Variants in NUMB observed in about 807,000 individuals in gnomAD.
The protein encoded by NUMB is protein numb homolog.
In NUMB, 29 loss-of-function variants were observed where a neutral mutation model predicts 59.7. The observed-to-expected ratio is 0.49, with a 90% confidence interval of 0.36 to 0.66. The LOEUF (loss-of-function observed/expected upper bound fraction) is 0.66. Among genes scored for constraint, NUMB ranks in the 30% least tolerant of loss-of-function variants. The pLI, the probability that NUMB is intolerant of heterozygous loss-of-function variation, is 0.00. For synonymous variants in NUMB, 288 were observed against 288.2 expected (o/e 1.00, Z 0.01); for missense variants, 723 against 822.0 (o/e 0.88, Z 1.47).
At chr14:73,395,854 A>T (rs1195632227) in intron 2 of NUMB, among the ~76,000 whole-genome samples, 1 of 152,160 alleles carries the variant, frequency 6.6e-6, no homozygotes, top group Non-Finnish European at 1.5e-5. Flanking sequence ...AAAATACATT[A>T]TTGTTGAAGA....
chr14:73,440,784 C>T (rs180879278), intron 1 of NUMB, among the ~76,000 whole-genome samples: 116 of 143,450 alleles, frequency 8.1e-4, no homozygotes, highest in African/African-American at 2.7e-3. Flanking sequence ...GCTGAGATCG[C>T]GCCACTGCAC....
chr14:73,283,082 G>A (rs967715721), intron 10 of NUMB, among the ~76,000 whole-genome samples: 1 of 152,148 alleles, frequency 6.6e-6, no homozygotes, highest in African/African-American at 2.4e-5. Context: ...GGTGTAGGAC[G>A]CTAGGGCCTT....
At chr14:73,371,201 T>C (rs1371769625) in intron 2 of NUMB, among the ~76,000 whole-genome samples, 1 of 152,138 alleles carries the variant, frequency 6.6e-6, no homozygotes, top group Non-Finnish European at 1.5e-5. Context: ...TTTGCTTAGA[T>C]AACCATAATA....
At chr14:73,328,685 ATCTT>A (rs1891792723) in intron 4 of NUMB, among the ~76,000 whole-genome samples, 1 of 152,102 alleles carries the variant, frequency 6.6e-6, no homozygotes, top group Admixed American at 6.6e-5. Flanking sequence ...ACTTATCCAC[ATCTT>A]TTTTTTCTTT....
intron 4 of NUMB, among the ~76,000 whole-genome samples, chr14:73,353,774 G>GT (rs1824935471): frequency 6.6e-6 from 1 of 151,710 alleles, no homozygotes; most frequent in Non-Finnish European, 1.5e-5. Flanking sequence ...CTAAGAGGTT[G>GT]TAATTTATAC....
Position 73,282,518 on chromosome 14 carries a change from C to T in NUMB, c.950-13G>A. 6.2e-7 allele frequency: 1 copy of T among 1,610,434 alleles called. No homozygotes were observed. The highest frequency in any genetic ancestry group is 8.5e-7 in the Non-Finnish European group (1 of 1,178,166). On this transcript the variant is annotated splice_polypyrimidine_tract_variant and intron_variant, in intron 10 of 12. Coordinates refer to ENST00000555238, the MANE Select transcript of NUMB (RefSeq NM_001005743.2). ...TCTACTTCTGGCACTGCAAGGCAAA[C>T]AGAAAATGGCTCCAGACAGAAAAAT...
chr14:73,370,943 T>C lies in NUMB; in HGVS notation c.-100-3962A>G, dbSNP rs202160670. Among the ~76,000 whole-genome samples the C allele has an allele frequency of 9.2e-5, 14 of 152,344 alleles. No homozygotes were observed. The East Asian group carries it at 1.9e-3, about 21-fold the overall frequency. On this transcript the variant is annotated intron_variant, in intron 2 of 12. Transcript: ENST00000555238. The stretch of plus-strand genomic sequence containing the variant: ...GATCATCAATTATTTACATTTCATC[T>C]GATTTGCTTTATCATTCTCTTTCTC...
chr14:73,278,820 C>T (rs1330302148), intron 12 of NUMB, among the ~76,000 whole-genome samples: 2 of 149,952 alleles, frequency 1.3e-5, no homozygotes, highest in African/African-American at 4.9e-5. Context: ...CTCTGTCTCC[C>T]AGGTTCAAGC....
intron 2 of NUMB, among the ~76,000 whole-genome samples, chr14:73,399,911 C>T (rs182048653): frequency 1.3e-5 from 2 of 151,694 alleles, no homozygotes; most frequent in African/African-American, 4.8e-5. Context: ...GATGTCGTGG[C>T]ATCTGTAATC....
At chr14:73,390,957 GTA>G (rs1895823319) in intron 2 of NUMB, among the ~76,000 whole-genome samples, 1 of 151,482 alleles carries the variant, frequency 6.6e-6, no homozygotes, top group African/African-American at 2.4e-5. Flanking sequence ...CTGGTCTTAA[GTA>G]TTTTTATACT....
intron 3 of NUMB, among the ~76,000 whole-genome samples, chr14:73,365,534 G>T (rs1222024663): frequency 1.3e-5 from 2 of 152,082 alleles, no homozygotes; most frequent in Admixed American, 1.3e-4. Flanking sequence ...ACTTTGGGAG[G>T]CTGAGGTGGA....
At chr14:73,307,075 C>G (rs1481494111) in intron 6 of NUMB, among the ~76,000 whole-genome samples, 1 of 152,078 alleles carries the variant, frequency 6.6e-6, no homozygotes, top group African/African-American at 2.4e-5. Flanking sequence ...TTTGGGAGGC[C>G]AAGGCGGGTG....
chr14:73,436,292 A>G (rs1279394601), intron 1 of NUMB, among the ~76,000 whole-genome samples: 5 of 152,132 alleles, frequency 3.3e-5, no homozygotes, highest in Non-Finnish European at 7.4e-5. Context: ...TTTTCTTATC[A>G]CAATAGAAAC....
intron 2 of NUMB, among the ~76,000 whole-genome samples, chr14:73,376,683 T>C (rs796577705): frequency 2.0e-4 from 30 of 151,994 alleles, no homozygotes; most frequent in South Asian, 6.2e-4. Context: ...TACAGACAAA[T>C]AGATCAATGG....
intron 1 of NUMB, among the ~76,000 whole-genome samples, chr14:73,453,114 T>C (rs1176776095): frequency 6.6e-6 from 1 of 151,736 alleles, no homozygotes; most frequent in African/African-American, 2.4e-5. Flanking sequence ...GTGCACTTTT[T>C]TTTATGGTTT....
In NUMB at chr14:73,331,557, A is replaced by T. The variant is rs186806396; in HGVS notation, c.127-8353T>A. Reference sequence around the variant, plus strand: ...AGCAAGACTCCGTCTCAAAAAAAAAAATTTTTTTTCTTCTAAAAGATACCT... The same window carrying T: ...AGCAAGACTCCGTCTCAAAAAAAAATATTTTTTTTCTTCTAAAAGATACCT... On this transcript the variant is annotated intron_variant, in intron 4 of 12. Transcript: ENST00000555238. Among the ~76,000 whole-genome samples, 588 of 152,204 alleles carry T rather than the reference A, an allele frequency of 3.9e-3. 3 individuals are homozygous for T. The highest frequency in any genetic ancestry group is 0.013 in the African/African-American group (539 of 41,506).
intron 4 of NUMB, among the ~76,000 whole-genome samples, chr14:73,350,721 G>A (rs1485284675): frequency 6.7e-6 from 1 of 149,648 alleles, no homozygotes; most frequent in African/African-American, 2.5e-5. Flanking sequence ...TAGAGATGGG[G>A]TCTCACCATG....
chr14:73,339,234 T>C (rs910347926), intron 4 of NUMB, among the ~76,000 whole-genome samples: 3 of 152,342 alleles, frequency 2.0e-5, no homozygotes, highest in East Asian at 3.9e-4. Context: ...TAAGGAATAC[T>C]GTAGCATGTT....
intron 5 of NUMB, among the ~76,000 whole-genome samples, chr14:73,321,381 T>A (rs1363444725): frequency 6.6e-6 from 1 of 152,102 alleles, no homozygotes; most frequent in Non-Finnish European, 1.5e-5. Flanking sequence ...TTTAAAAAAA[T>A]GTTCTTAGCT....
Sources: gnomAD v4.1 joint callset for allele counts (sites outside exome capture counted in the v4.1 genomes callset) on GRCh38, gnomAD v4.1.1 for gene constraint, MANE v1.5 for transcripts, NCBI Gene and HGNC (gene_info 2026-07-23, HGNC 2026-07-21) for gene names.